The following PDS5B variants were observed in gnomAD, a reference collection of about 807,000 sequenced individuals.
PDS5B encodes sister chromatid cohesion protein PDS5 homolog B.
Under a neutral mutation model 184.1 loss-of-function variants are expected in PDS5B, and 51 were observed. The observed-to-expected ratio is 0.28, with a 90% CI of 0.22 to 0.35. The LOEUF is 0.35. Ranked by LOEUF, PDS5B falls within the 10% of genes least tolerant of loss-of-function variation. The pLI is 1.00. For missense variants in PDS5B, 1,180 were observed against 1,723.3 expected (o/e 0.68, Z 5.58); for synonymous variants, 566 against 569.2 (o/e 0.99, Z 0.08).
chr13:32,588,493 G>C (rs1466993489), intron 1 of PDS5B, among the ~76,000 whole-genome samples: 2 of 152,096 alleles, frequency 1.3e-5, no homozygotes, highest in East Asian at 3.9e-4. Flanking sequence ...TCTCTTCTCA[G>C]CTGGCGTTTA....
chr13:32,773,550 G>A (rs3213532), intron 34 of PDS5B, among the ~76,000 whole-genome samples: 57,067 of 151,950 alleles, frequency 0.38, 11,375 homozygotes, highest in Non-Finnish European at 0.45. Context: ...TGAACTGAAT[G>A]TACAGCATTC....
intron 1 of PDS5B, among the ~76,000 whole-genome samples, chr13:32,644,329 T>G (rs773587051): frequency 2.6e-4 from 40 of 152,188 alleles, no homozygotes; most frequent in Non-Finnish European, 4.7e-4. Flanking sequence ...ATATTTTAAA[T>G]TTACAATGGG....
chr13:32,616,240 A>C (rs1293253432), intron 1 of PDS5B, among the ~76,000 whole-genome samples: 1 of 152,064 alleles, frequency 6.6e-6, no homozygotes, highest in Non-Finnish European at 1.5e-5. Context: ...TTTTTAGTAG[A>C]GACAGGGTTT....
At chr13:32,638,013 T>C (rs557494871) in intron 1 of PDS5B, among the ~76,000 whole-genome samples, 11 of 152,298 alleles carry the variant, frequency 7.2e-5, no homozygotes, top group African/African-American at 2.4e-4. Context: ...TTAGCTGGGG[T>C]TGCTTATGCA....
intron 1 of PDS5B, among the ~76,000 whole-genome samples, chr13:32,616,254 T>A (rs1288517758): frequency 1.3e-5 from 2 of 151,696 alleles, no homozygotes; most frequent in Non-Finnish European, 2.9e-5. Context: ...AGGGTTTCAC[T>A]ATGTTGGCCA....
chr13:32,672,865 A>T (rs574058602), intron 7 of PDS5B, among the ~76,000 whole-genome samples: 1 of 152,234 alleles, frequency 6.6e-6, no homozygotes, highest in African/African-American at 2.4e-5. Flanking sequence ...TTTACCAGCT[A>T]TCTAGGTATC....
intron 20 of PDS5B, among the ~76,000 whole-genome samples, chr13:32,732,721 C>T (rs2140952471): frequency 6.6e-6 from 1 of 152,196 alleles, no homozygotes; most frequent in Non-Finnish European, 1.5e-5. Flanking sequence ...ATTTTATCCA[C>T]ATTCTAAATA....
intron 1 of PDS5B, among the ~76,000 whole-genome samples, chr13:32,642,613 T>C (rs1950127045): frequency 6.6e-6 from 1 of 152,174 alleles, no homozygotes; most frequent in South Asian, 2.1e-4. Context: ...TACAATGCTG[T>C]TCATAAGACT....
At chr13:32,632,213 C>T (rs918504832) in intron 1 of PDS5B, among the ~76,000 whole-genome samples, 1 of 152,028 alleles carries the variant, frequency 6.6e-6, no homozygotes, top group Non-Finnish European at 1.5e-5. Context: ...TTTTCTGCAT[C>T]AAAGGACATA....
At position 32,686,374 on chromosome 13, in the gene PDS5B, A is replaced by G. The variant is rs759227484; in HGVS notation, c.1204-760A>G. Among the ~76,000 whole-genome samples, 27 of 152,250 alleles carry G rather than the reference A, an allele frequency of 1.8e-4. 1 individual carries two copies. The highest frequency in any genetic ancestry group is 1.5e-5 in the Non-Finnish European group (1 of 68,038). Reference sequence around the variant, plus strand: ...AGCCAATATCATATATGCCTTTAATACATCTTAATTACTATTATTTGTAAT... The same window carrying G: ...AGCCAATATCATATATGCCTTTAATGCATCTTAATTACTATTATTTGTAAT... On this transcript the variant is annotated intron_variant, in intron 11 of 34. Coordinates refer to ENST00000315596, the MANE Select transcript of PDS5B (RefSeq NM_015032.4).
At chr13:32,745,319 A>G (rs1366188499) in intron 23 of PDS5B, among the ~76,000 whole-genome samples, 3 of 152,206 alleles carry the variant, frequency 2.0e-5, no homozygotes, top group Non-Finnish European at 4.4e-5. Context: ...AGAATATGTA[A>G]AACCTAACAA....
chr13:32,656,547 T>C (rs544288198), intron 3 of PDS5B, among the ~76,000 whole-genome samples: 4 of 151,886 alleles, frequency 2.6e-5, no homozygotes, highest in Admixed American at 1.3e-4. Flanking sequence ...TGGAGGTCTT[T>C]TACCACCTTG....
At chr13:32,760,471 A>T in intron 29 of PDS5B, 104 bp from the exon 30 acceptor site, 1 of 1,073,688 alleles carries the variant, frequency 9.3e-7, no homozygotes. Flanking sequence ...ATTTTTCATG[A>T]TTTGTAAGTA....
intron 10 of PDS5B, among the ~76,000 whole-genome samples, chr13:32,679,908 TG>T (rs1951188683): frequency 6.9e-6 from 1 of 145,936 alleles, no homozygotes; most frequent in African/African-American, 2.5e-5. Flanking sequence ...TGTGTGTGTG[TG>T]TGTGTGTCTG....
chr13:32,674,648 A>G (rs1348388499), intron 8 of PDS5B, among the ~76,000 whole-genome samples: 2 of 151,768 alleles, frequency 1.3e-5, no homozygotes. Context: ...AGGAAAAAAA[A>G]TCCAGATCTA....
chr13:32,682,052 C>T (rs1225180828), intron 10 of PDS5B, among the ~76,000 whole-genome samples: 9 of 152,114 alleles, frequency 5.9e-5, no homozygotes, highest in Non-Finnish European at 1.3e-4. Context: ...TTATTCTCTG[C>T]CACAGGGGTA....
chr13:32,600,582 AT>A (rs1307402442), intron 1 of PDS5B, among the ~76,000 whole-genome samples: 1 of 152,338 alleles, frequency 6.6e-6, no homozygotes, highest in East Asian at 1.9e-4. Flanking sequence ...CTCTACAAAA[AT>A]ACAAAGATGA....
chr13:32,673,166 A>G (rs376408559), intron 7 of PDS5B, 50 bp from the exon 8 acceptor site: 76 of 1,515,862 alleles, frequency 5.0e-5, no homozygotes, highest in East Asian at 2.9e-4. Context: ...AAAACATTCA[A>G]CTTGTCTCTG....
intron 21 of PDS5B, among the ~76,000 whole-genome samples, chr13:32,739,411 T>C (rs1953460577): frequency 6.6e-6 from 1 of 152,216 alleles, no homozygotes; most frequent in African/African-American, 2.4e-5. Flanking sequence ...TCACACAACT[T>C]ATGTTAGGCA....
Sources: allele counts gnomAD v4.1 joint callset (sites outside exome capture counted in the v4.1 genomes callset), GRCh38; gene constraint gnomAD v4.1.1; transcripts MANE v1.5; gene names NCBI Gene and HGNC (gene_info 2026-07-23, HGNC 2026-07-21).